ADGRB3: variants seen among roughly 807,000 people sequenced by gnomAD.
The protein encoded by ADGRB3 is brain-specific angiogenesis inhibitor 3.
Under a neutral mutation model 193.4 loss-of-function variants are expected in ADGRB3, and 37 were observed. The ratio of observed to expected loss-of-function variants is 0.19; its 90% confidence interval spans 0.15 to 0.25. The LOEUF is 0.25. ADGRB3 is among the 10% of genes least tolerant of loss of function. ADGRB3 has a pLI of 1.00. For missense variants in ADGRB3, 1,637 were observed against 1,852.9 expected (o/e 0.88, Z 2.14); for synonymous variants, 690 against 644.2 (o/e 1.07, Z -1.08).
intron 3 of ADGRB3, among the ~76,000 whole-genome samples, chr6:68,897,528 A>AGAGGAAGGAAGGGAGG (rs1264497698): frequency 9.2e-5 from 1 of 10,872 alleles, no homozygotes; most frequent in African/African-American, 5.9e-4. Context: ...GAGGGAGGAA[A>AGAGGAAGGAAGGGAGG]GAGGAAAGAG....
intron 3 of ADGRB3, among the ~76,000 whole-genome samples, chr6:68,858,871 GT>G (rs1765069469): frequency 1.3e-5 from 2 of 152,192 alleles, no homozygotes; most frequent in Admixed American, 1.3e-4. Context: ...GCCTGTAATG[GT>G]TGGGGCTGCT....
chr6:69,378,806 T>C (rs1423779291), intron 30 of ADGRB3, among the ~76,000 whole-genome samples: 1 of 151,966 alleles, frequency 6.6e-6, no homozygotes, highest in Non-Finnish European at 1.5e-5. Context: ...CTAGGAGAGT[T>C]CTTGGGATAT....
chr6:69,210,893 A>C (rs2127239235), intron 17 of ADGRB3, among the ~76,000 whole-genome samples: 1 of 152,160 alleles, frequency 6.6e-6, no homozygotes, highest in South Asian at 2.1e-4. Context: ...AGGCTGGCGG[A>C]TCACGAGGTC....
chr6:68,841,873 G>A (rs1308305584), intron 3 of ADGRB3, among the ~76,000 whole-genome samples: 2 of 152,102 alleles, frequency 1.3e-5, no homozygotes, highest in African/African-American at 2.4e-5. Flanking sequence ...AGGAAGGGTA[G>A]TGAGGGTGTG....
At chr6:68,805,536 C>T (rs932229960) in intron 3 of ADGRB3, among the ~76,000 whole-genome samples, 15 of 152,302 alleles carry the variant, frequency 9.8e-5, no homozygotes, top group African/African-American at 3.6e-4. Flanking sequence ...TCTCCTATCT[C>T]TCAAAGGAAA....
intron 16 of ADGRB3, among the ~76,000 whole-genome samples, chr6:69,066,467 C>T (rs1035258045): frequency 1.3e-5 from 2 of 151,482 alleles, no homozygotes; most frequent in Non-Finnish European, 2.9e-5. Context: ...AAAAATGTGT[C>T]TCAGAAAGCT....
At chr6:69,192,981 T>A (rs1765224376) in intron 17 of ADGRB3, among the ~76,000 whole-genome samples, 1 of 152,170 alleles carries the variant, frequency 6.6e-6, no homozygotes, top group African/African-American at 2.4e-5. Context: ...GTTTTATATA[T>A]AGGAGAAATC....
At chr6:68,769,181 A>G (rs968588001) in intron 3 of ADGRB3, among the ~76,000 whole-genome samples, 9 of 152,228 alleles carry the variant, frequency 5.9e-5, no homozygotes, top group Admixed American at 3.9e-4. Flanking sequence ...CAGCAGTCCC[A>G]TCACTGGGTA....
chr6:68,955,369 A>G (rs1424297174), intron 6 of ADGRB3, among the ~76,000 whole-genome samples: 1 of 152,210 alleles, frequency 6.6e-6, no homozygotes, highest in East Asian at 1.9e-4. Context: ...TTTCTCTAAA[A>G]TATGAGCTCG....
intron 3 of ADGRB3, among the ~76,000 whole-genome samples, chr6:68,899,132 A>G (rs1433646580): frequency 6.6e-6 from 1 of 152,074 alleles, no homozygotes; most frequent in South Asian, 2.1e-4. Flanking sequence ...TTATATGGGA[A>G]CTTTTTGTAC....
chr6:68,802,887 A>G (rs1767338538), intron 3 of ADGRB3, among the ~76,000 whole-genome samples: 1 of 152,174 alleles, frequency 6.6e-6, no homozygotes. Context: ...AAAGTTATTA[A>G]CAACATTCTA....
intron 4 of ADGRB3, among the ~76,000 whole-genome samples, chr6:68,932,275 T>C (rs192483662): frequency 1.3e-5 from 2 of 152,322 alleles, no homozygotes; most frequent in Admixed American, 1.3e-4. Flanking sequence ...TAGTTTTAAA[T>C]TTCCAATAGC....
intron 17 of ADGRB3, among the ~76,000 whole-genome samples, chr6:69,081,272 A>G (rs1205362839): frequency 6.6e-6 from 1 of 151,976 alleles, no homozygotes; most frequent in South Asian, 2.1e-4. Context: ...AAATACTGAA[A>G]ATACTAGACC....
intron 17 of ADGRB3, among the ~76,000 whole-genome samples, chr6:69,221,098 G>A (rs930181950): frequency 1.1e-4 from 17 of 151,770 alleles, no homozygotes; most frequent in Middle Eastern, 3.4e-3. Context: ...ACAAAAGAGG[G>A]ACTAAAACAT....
intron 6 of ADGRB3, 56 bp from the exon 7 acceptor site, chr6:68,955,968 T>C: frequency 6.4e-7 from 1 of 1,570,840 alleles, no homozygotes; most frequent in Non-Finnish European, 8.6e-7. Flanking sequence ...GTACTTTCTG[T>C]ACAGCTTGTC....
intron 3 of ADGRB3, among the ~76,000 whole-genome samples, chr6:68,697,474 C>G (rs1382375433): frequency 6.6e-6 from 1 of 151,832 alleles, no homozygotes; most frequent in African/African-American, 2.4e-5. Context: ...TTTCTTTGTT[C>G]TCTCTTCTAT....
intron 3 of ADGRB3, among the ~76,000 whole-genome samples, chr6:68,762,291 G>T (rs1766407318): frequency 6.6e-6 from 1 of 151,542 alleles, no homozygotes; most frequent in African/African-American, 2.4e-5. Context: ...CCCTTTTTAA[G>T]AGCTTTGTAA....
chr6:69,069,824 A>G (rs908944275), intron 16 of ADGRB3, among the ~76,000 whole-genome samples: 1 of 151,920 alleles, frequency 6.6e-6, no homozygotes, highest in Non-Finnish European at 1.5e-5. Context: ...GGCAAATTGG[A>G]AATATTCTTG....
intron 9 of ADGRB3, 36 bp from the exon 10 acceptor site, chr6:68,975,198 A>G (rs1427748780): frequency 6.4e-6 from 10 of 1,557,756 alleles, no homozygotes; most frequent in Middle Eastern, 1.7e-4. Flanking sequence ...AAACATCCCT[A>G]TTATAAAGCT....
Sources: allele counts gnomAD v4.1 joint callset (sites outside exome capture counted in the v4.1 genomes callset), GRCh38; gene constraint gnomAD v4.1.1; transcripts MANE v1.5; gene names NCBI Gene and HGNC (gene_info 2026-07-23, HGNC 2026-07-21).